MRPL4: variants seen among roughly 807,000 people sequenced by gnomAD.
MRPL4 encodes mitochondrial ribosomal protein L4.
In MRPL4, 34 loss-of-function variants were observed where a neutral mutation model predicts 34.1. The ratio of observed to expected loss-of-function variants is 1.00; its 90% CI spans 0.76 to 1.33. MRPL4 has a LOEUF of 1.33. Among genes scored for constraint, MRPL4 ranks in the 40% most tolerant of loss-of-function variants. The pLI, the probability that MRPL4 is intolerant of heterozygous loss-of-function variation, is 0.00. For synonymous variants in MRPL4, 196 were observed against 188.3 expected (o/e 1.04, Z -0.33); for missense variants, 402 against 434.6 (o/e 0.92, Z 0.67).
At position 10,258,634 on chromosome 19, in the gene MRPL4, A is replaced by G. The variant is rs749191137; in HGVS notation, c.688A>G (p.Ile230Val). ...DLTHEEMPQS[I>V]VEATSRLKTF... ...AACACACGAGGAGATGCCACAGAGC[A>G]TCGTGGAGGCCACCTCTAGGCTTAA... The change falls in exon 8 of 9, where the codon ATC (isoleucine) becomes GTC (valine). Residue 230 changes from isoleucine (I) to valine (V), a missense_variant. Transcript: ENST00000253099. 1 of 1,614,172 alleles carries G rather than the reference A, an allele frequency of 6.2e-7. No homozygotes were observed. Among genetic ancestry groups the G allele is most frequent in the Non-Finnish European group, 8.5e-7 (1 of 1,180,030 alleles).
chr19:10,254,669 G>A (rs1217996813), intron 4 of MRPL4, 29 bp downstream of exon 4: 1 of 1,613,244 alleles, frequency 6.2e-7, no homozygotes, highest in African/African-American at 1.3e-5. Flanking sequence ...CAAGGTGGTG[G>A]GAAGGAGCTT....
At chr19:10,258,380 C>A in intron 6 of MRPL4, 33 bp from the exon 7 acceptor site, 1 of 1,613,874 alleles carries the variant, frequency 6.2e-7, no homozygotes, top group Non-Finnish European at 8.5e-7. Context: ...CTGCTCTGGA[C>A]CCAGGGTTCA....
Position 10,257,530 on chromosome 19 carries a change from A to G in MRPL4, c.446-692A>G, listed in dbSNP as rs76414904. On this transcript the variant is annotated intron_variant, in intron 5 of 8. Coordinates refer to ENST00000253099, the MANE Select transcript of MRPL4 (RefSeq NM_015956.3). ...TCTTTTCTGCCCTGCCGGAATGTGAATGGCATGAGGGCAGGGACCATGTCT... is the reference window on the plus strand; with the variant it reads ...TCTTTTCTGCCCTGCCGGAATGTGAGTGGCATGAGGGCAGGGACCATGTCT... Among the ~76,000 whole-genome samples the G allele has an allele frequency of 2.1e-3, 315 of 152,080 alleles. 3 individuals are homozygous for G. Among genetic ancestry groups the G allele is most frequent in the Middle Eastern group, 3.4e-3 (1 of 294 alleles).
In MRPL4 at chr19:10,252,657, G is replaced by T. The variant is rs770900160; in HGVS notation, c.231G>T (p.Val77=). The change falls in exon 3 of 9, where the codon GTG becomes GTT. Residue 77 remains valine, a synonymous_variant. Coordinates refer to ENST00000253099, the MANE Select transcript of MRPL4 (RefSeq NM_015956.3). ...ESLRGFEQER[V]GLADLHPDVF... ...TGCGGGGCTTCGAGCAGGAGCGCGT[G>T]GGCCTGGCCGACCTGCACCCCGATG... 7.5e-6 allele frequency: 12 copies of T among 1,607,426 alleles called. No homozygotes were observed. In the East Asian group the frequency reaches 2.7e-4, roughly 36 times the overall value.
rs759739664 is a variant in MRPL4, at chr19:10,258,702, G to C, written c.739+17G>C. Reference sequence around the variant, plus strand: ...CGGCTGTTGGTGAGCAAAGAGCCCAGGCCCCTAGAGTGCGCATGTGCAGGC... The same window carrying C: ...CGGCTGTTGGTGAGCAAAGAGCCCACGCCCCTAGAGTGCGCATGTGCAGGC... On this transcript the variant is annotated intron_variant, in intron 8 of 8. Transcript: ENST00000253099. 9.9e-6 allele frequency: 16 copies of C among 1,614,016 alleles called. No individual in the cohort carries two copies. In the East Asian group the frequency reaches 3.6e-4, roughly 36 times the overall value.
At position 10,252,652 on chromosome 19, in the gene MRPL4, C is replaced by T. The variant is rs749098137; in HGVS notation, c.226C>T (p.Arg76Cys). The change falls in exon 3 of 9, where the codon CGC (arginine) becomes TGC (cysteine). Residue 76 changes from arginine to cysteine, a missense_variant. Physicochemically the swap from Arg to Cys is radical, Grantham distance 180 (BLOSUM62 -3). Transcript: ENST00000253099. ...VESLRGFEQE[R>C]VGLADLHPDV... ...GTCCTTGCGGGGCTTCGAGCAGGAG[C>T]GCGTGGGCCTGGCCGACCTGCACCC... 2 of 1,608,798 alleles carry T rather than the reference C, an allele frequency of 1.2e-6. No homozygotes were observed. Among genetic ancestry groups the T allele is most frequent in the South Asian group, 1.1e-5 (1 of 91,060 alleles).
rs764292040 is a variant in MRPL4 at position 10,252,701 on chromosome 19, G to A, written c.275G>A (p.Arg92Lys). Residue 92 changes from arginine (R) to lysine (K), a missense_variant and splice_region_variant, in exon 3 of 9, where the codon AGG (arginine) becomes AAG (lysine). Physicochemically the swap from Arg to Lys is conservative, Grantham distance 26 (BLOSUM62 2). Transcript: ENST00000253099. Reference protein sequence around the residue: ...LHPDVFATAPRLDILHQVAMW... With the variant: ...LHPDVFATAPKLDILHQVAMW... ...CCCGATGTTTTCGCCACCGCGCCCA[G>A]GTGAGCGAGGGCTGTAATGGTGAAC... 1 of 1,600,816 alleles carries A rather than the reference G, an allele frequency of 6.2e-7. No homozygotes were observed. The highest frequency in any genetic ancestry group is 1.7e-5 in the Admixed American group (1 of 59,914).
At chr19:10,256,866 G>GGGGGGGGGGGGGGGGGGGGGGGGGCC in intron 5 of MRPL4, 41 bp downstream of exon 5, 37 of 378,296 alleles carry the variant, frequency 9.8e-5, no homozygotes, top group East Asian at 6.2e-4. Context: ...GGGTGGGGGG[G>GGGGGGGGGGGGGGGGGGGGGGGGGCC]CCAGGGAAGG....
upstream of MRPL4, chr19:10,252,145 G>C (rs2039795011): frequency 7.4e-7 from 1 of 1,354,890 alleles, no homozygotes; most frequent in Non-Finnish European, 9.8e-7. Flanking sequence ...CCGCTTTCCA[G>C]CGCGGAGTCG....
In MRPL4 at chr19:10,254,823, G is replaced by C. The variant is rs1438326817; in HGVS notation, c.327+183G>C. 7.8e-6 allele frequency: 4 copies of C among 513,470 alleles called. No homozygotes were observed. The Admixed American group carries it at 1.4e-4, about 18-fold the overall frequency. The allele number at this position is 513,470 out of a possible 1,614,324, so 31.8% of individuals were successfully genotyped here. ...CTTTTTTTTGTTTGTTTTTGAGATG[G>C]AGATGGAGTCTCACTCTGTCACCCA... On this transcript the variant is annotated intron_variant, in intron 4 of 8. Transcript: ENST00000253099.
At chr19:10,256,859 T>TGGGGGGGGGGGGGGGGGTGGGGGGG in intron 5 of MRPL4, 34 bp downstream of exon 5, 1 of 72,686 alleles carries the variant, frequency 1.4e-5, no homozygotes. Context: ...CGGGGAGGGG[T>TGGGGGGGGGGGGGGGGGTGGGGGGG]GGGGGGGCCA....
intron 8 of MRPL4, chr19:10,259,098 CAAAAAAAAAAAAAAA>C (rs35481360): frequency 4.6e-5 from 25 of 539,838 alleles, no homozygotes; most frequent in Non-Finnish European, 4.8e-5. Flanking sequence ...ACTCTTGTCT[CAAAAAAAAAAAAAAA>C]AAAAAAAAAA....
At chr19:10,257,548 C>T (rs1221426664) in intron 5 of MRPL4, among the ~76,000 whole-genome samples, 12 of 152,104 alleles carry the variant, frequency 7.9e-5, no homozygotes. Flanking sequence ...AGGGCAGGGA[C>T]CATGTCTGTT....
At chr19:10,252,506 G>C (rs773811614) in intron 2 of MRPL4, 43 bp downstream of exon 2, 2 of 1,613,746 alleles carry the variant, frequency 1.2e-6, no homozygotes, top group Admixed American at 3.3e-5. Flanking sequence ...GCGACAGAGA[G>C]GTCTGACCCT....
upstream of MRPL4, chr19:10,252,111 C>T: frequency 2.9e-6 from 3 of 1,019,586 alleles, no homozygotes; most frequent in African/African-American, 1.7e-5. Context: ...GGTCGGACCC[C>T]CTCCATCTTC....
At chr19:10,256,927 T>C in intron 5 of MRPL4, 102 bp downstream of exon 5, 3 of 957,458 alleles carry the variant, frequency 3.1e-6, no homozygotes, top group Non-Finnish European at 4.4e-6. Flanking sequence ...TGGTATTATG[T>C]CAGCCCTGTT....
intron 4 of MRPL4, among the ~76,000 whole-genome samples, chr19:10,256,235 G>A (rs1026824509): frequency 6.6e-6 from 1 of 151,828 alleles, no homozygotes. Context: ...GCAGTGAGCC[G>A]AGATCGCGCC....
At chr19:10,255,751 A>C (rs2039844975) in intron 4 of MRPL4, 2 of 152,698 alleles carry the variant, frequency 1.3e-5, no homozygotes, top group Non-Finnish European at 2.9e-5. Flanking sequence ...TGCTATTCTG[A>C]GTTCTTCCTG....
chr19:10,255,964 G>T (rs1470245107), intron 4 of MRPL4, among the ~76,000 whole-genome samples: 2 of 151,940 alleles, frequency 1.3e-5, no homozygotes, highest in Non-Finnish European at 2.9e-5. Flanking sequence ...TAGTCAACGT[G>T]GCAAAACCCC....
Sources: allele counts gnomAD v4.1 joint callset (sites outside exome capture counted in the v4.1 genomes callset), GRCh38; gene constraint gnomAD v4.1.1; transcripts MANE v1.5; gene names NCBI Gene and HGNC (gene_info 2026-07-23, HGNC 2026-07-21).